Variants in SLC17A8 observed in about 807,000 individuals in gnomAD.
SLC17A8 encodes solute carrier family 17 member 8, also known as vesicular glutamate transporter 3.
In SLC17A8, 31 loss-of-function variants were observed where a neutral mutation model predicts 58.0. The ratio of observed to expected loss-of-function variants is 0.53; its 90% CI spans 0.40 to 0.72. SLC17A8 has a LOEUF of 0.72. Among genes scored for constraint, SLC17A8 ranks in the 30% least tolerant of loss-of-function variants. The pLI, the probability that SLC17A8 is intolerant of heterozygous loss-of-function variation, is 0.00. For synonymous variants in SLC17A8, 228 were observed against 249.0 expected (o/e 0.92, Z 0.79); for missense variants, 655 against 727.8 (o/e 0.90, Z 1.15).
At position 100,404,502 on chromosome 12, in the gene SLC17A8, G is replaced by GCACACACACACACACACA. The variant is rs4015906; in HGVS notation, c.1186+346_1186+363dup. ...GCCTATGCTTGTGCATGGGATATATGCACACACACACACACACACACACAC... is the reference window on the plus strand; with the variant it reads ...GCCTATGCTTGTGCATGGGATATATGCACACACACACACACACACACACACACACACACACACACACAC... On this transcript the variant is annotated intron_variant, in intron 9 of 11. Coordinates refer to ENST00000323346, the MANE Select transcript of SLC17A8 (RefSeq NM_139319.3). 488 of 232,986 alleles carry GCACACACACACACACACA rather than the reference G, an allele frequency of 2.1e-3. 8 individuals are homozygous for GCACACACACACACACACA. Among genetic ancestry groups the GCACACACACACACACACA allele is most frequent in the African/African-American group, 4.7e-3 (204 of 43,304 alleles). The allele number at this position is 232,986 out of a possible 1,614,324, so 14.4% of individuals were successfully genotyped here. A position where few individuals can be genotyped will look rare whatever the true frequency, so the allele number is the denominator to read the frequency against.
Position 100,420,266 on chromosome 12 carries a change from G to C in SLC17A8, c.*107G>C. On this transcript the variant is annotated 3_prime_UTR_variant, in exon 12 of 12. Transcript: ENST00000323346. ...GCCAGAGGTCCAAATATTGGGAGGG[G>C]AGAAGATCTAACCAGCAACAGGGAA... 2 of 840,184 alleles carry C rather than the reference G, an allele frequency of 2.4e-6. No homozygotes were observed. Among genetic ancestry groups the C allele is most frequent in the Non-Finnish European group, 3.9e-6 (2 of 515,830 alleles). 52.0% of individuals were successfully genotyped at this position (840,184 alleles called of 1,614,324 possible). A position where few individuals can be genotyped will look rare whatever the true frequency, so the allele number is the denominator to read the frequency against.
chr12:100,421,406 A>G lies in SLC17A8; in HGVS notation c.*1247A>G, dbSNP rs1040909215. ...ATAATATAGCAGTAGTTATACAGAGAAATACTACAATGAAAACATTTGGGG... is the reference window on the plus strand; with the variant it reads ...ATAATATAGCAGTAGTTATACAGAGGAATACTACAATGAAAACATTTGGGG... On this transcript the variant is annotated 3_prime_UTR_variant, in exon 12 of 12. Coordinates refer to ENST00000323346, the MANE Select transcript of SLC17A8 (RefSeq NM_139319.3). The G allele has an allele frequency of 3.9e-5, 6 of 152,162 alleles. No individual in the cohort carries two copies. Among genetic ancestry groups the G allele is most frequent in the Admixed American group, 3.9e-4 (6 of 15,260 alleles). 9.4% of individuals were successfully genotyped at this position (152,162 alleles called of 1,614,324 possible). A position where few individuals can be genotyped will look rare whatever the true frequency, so the allele number is the denominator to read the frequency against.
rs565559007 is a variant in SLC17A8 at position 100,375,073 on chromosome 12, A to G, written c.102-5628A>G. 4.0e-5 allele frequency among the ~76,000 whole-genome samples: 6 copies of G among 151,144 alleles called. 1 individual carries two copies. The Admixed American group carries it at 4.0e-4, about 10-fold the overall frequency. ...GGATGTCTAAGATGACACTGTGCAC[A>G]CAGAGGGTGCTTGTGTTGGTTCAGG... On this transcript the variant is annotated intron_variant, in intron 1 of 11. Transcript: ENST00000323346.
intron 1 of SLC17A8, among the ~76,000 whole-genome samples, chr12:100,369,181 C>A (rs970348540): frequency 2.6e-5 from 4 of 152,174 alleles, no homozygotes; most frequent in Admixed American, 2.0e-4. Context: ...GAGGCTGAGG[C>A]AGGAGAACTG....
intron 2 of SLC17A8, among the ~76,000 whole-genome samples, chr12:100,385,301 A>C (rs1393387024): frequency 2.2e-5 from 3 of 135,426 alleles, no homozygotes; most frequent in African/African-American, 5.7e-5. Context: ...CGGTGACATG[A>C]TCTCAGCTCA....
At chr12:100,375,292 G>A (rs1433982696) in intron 1 of SLC17A8, among the ~76,000 whole-genome samples, 1 of 151,972 alleles carries the variant, frequency 6.6e-6, no homozygotes, top group Non-Finnish European at 1.5e-5. Flanking sequence ...CTGGCCAAGA[G>A]ATTTATTGAG....
At position 100,394,588 on chromosome 12, in the gene SLC17A8, A is replaced by C. The variant is rs185993169; in HGVS notation, c.588+1105A>C. Among the ~76,000 whole-genome samples the C allele has an allele frequency of 6.6e-3, 986 of 150,470 alleles. 7 individuals are homozygous for C. The highest frequency in any genetic ancestry group is 0.011 in the Non-Finnish European group (734 of 67,692). The stretch of plus-strand genomic sequence containing the variant: ...GGCTAATTTTTTGTATTTTTAGTAG[A>C]GATGGGGTTTTACCATGTTGGCCAG... On this transcript the variant is annotated intron_variant, in intron 4 of 11. Transcript: ENST00000323346.
rs566408947 is a variant in SLC17A8, at chr12:100,371,694, C to T, written c.102-9007C>T. Among the ~76,000 whole-genome samples, 12 of 152,264 alleles carry T rather than the reference C, an allele frequency of 7.9e-5. 1 individual carries two copies. Among genetic ancestry groups the T allele is most frequent in the African/African-American group, 2.9e-4 (12 of 41,552 alleles). On this transcript the variant is annotated intron_variant, in intron 1 of 11. Transcript: ENST00000323346. ...TCCTGAGTAGCTGGGATTACAGGTGCTTGCCAGCACACCCGGCTAACTTTT... is the reference window on the plus strand; with the variant it reads ...TCCTGAGTAGCTGGGATTACAGGTGTTTGCCAGCACACCCGGCTAACTTTT...
rs774391972 is a variant in SLC17A8, at chr12:100,404,135, C to T, written c.1151C>T (p.Thr384Ile). The change falls in exon 9 of 12, where the codon ACC becomes ATC. Residue 384 changes from threonine (T) to isoleucine (I), a missense_variant. Transcript: ENST00000323346. The part of the protein sequence containing the change: ...ADYLRSRQIL[T>I]TTAVRKIMNC... ...TATTTAAGAAGCAGACAAATTTTAA[C>T]CACAACTGCTGTCAGAAAAATCATG... 88 of 1,614,062 alleles carry T rather than the reference C, an allele frequency of 5.5e-5. No homozygotes were observed. The highest frequency in any genetic ancestry group is 7.3e-5 in the Non-Finnish European group (86 of 1,180,046).
rs1952451566 is a variant in SLC17A8, at chr12:100,357,131, T to G, written c.-261T>G. On this transcript the variant is annotated 5_prime_UTR_variant, in exon 1 of 12. Coordinates refer to ENST00000323346, the MANE Select transcript of SLC17A8 (RefSeq NM_139319.3). The stretch of plus-strand genomic sequence containing the variant: ...CAGGCTGCTGCAGAGCGTGCAGCTT[T>G]TGCAAGGGACTGAATTCCCAGCCAG... The G allele has an allele frequency of 7.1e-6, 3 of 425,088 alleles. No homozygotes were observed. The highest frequency in any genetic ancestry group is 4.1e-5 in the African/African-American group (2 of 49,224). The allele number at this position is 425,088 out of a possible 1,614,324, so 26.3% of individuals were successfully genotyped here.
At chr12:100,419,249 T>C (rs1002854429) in intron 11 of SLC17A8, among the ~76,000 whole-genome samples, 1 of 152,186 alleles carries the variant, frequency 6.6e-6, no homozygotes, top group African/African-American at 2.4e-5. Flanking sequence ...TATTTGTATA[T>C]GTTGTTTATT....
At chr12:100,386,953 T>C (rs1288444967) in intron 2 of SLC17A8, among the ~76,000 whole-genome samples, 3 of 152,206 alleles carry the variant, frequency 2.0e-5, no homozygotes, top group East Asian at 3.8e-4. Flanking sequence ...GCTCCCAAAG[T>C]GCTGGGATTA....
intron 1 of SLC17A8, among the ~76,000 whole-genome samples, chr12:100,367,311 A>G: frequency 6.6e-6 from 1 of 152,224 alleles, no homozygotes; most frequent in East Asian, 1.9e-4. Flanking sequence ...AATAATAGAG[A>G]TCAAAACTTT....
At chr12:100,397,321 T>G (rs1253677149) in intron 5 of SLC17A8, among the ~76,000 whole-genome samples, 1 of 152,218 alleles carries the variant, frequency 6.6e-6, no homozygotes, top group African/African-American at 2.4e-5. Flanking sequence ...TCTGGAACTT[T>G]CCTTACTTCA....
intron 4 of SLC17A8, among the ~76,000 whole-genome samples, chr12:100,394,456 C>T (rs1196200819): frequency 1.5e-5 from 2 of 135,338 alleles, no homozygotes; most frequent in South Asian, 2.3e-4. Flanking sequence ...GGCTGAAGTG[C>T]GGTGGCATGA....
intron 2 of SLC17A8, among the ~76,000 whole-genome samples, chr12:100,384,270 C>G (rs75446078): frequency 1.3e-5 from 2 of 151,946 alleles, no homozygotes; most frequent in Non-Finnish European, 2.9e-5. Context: ...TTGCTGGTTG[C>G]GAAGAAATGT....
chr12:100,392,276 T>TA (rs1364972380), intron 3 of SLC17A8, among the ~76,000 whole-genome samples: 1 of 152,094 alleles, frequency 6.6e-6, no homozygotes, highest in African/African-American at 2.4e-5. Flanking sequence ...TGAGCATTTT[T>TA]AAAAAAGAGA....
intron 1 of SLC17A8, among the ~76,000 whole-genome samples, chr12:100,374,936 T>C (rs1166530647): frequency 3.3e-5 from 5 of 152,014 alleles, no homozygotes; most frequent in Non-Finnish European, 1.5e-5. Context: ...CTGTAGGTCC[T>C]GCTTCTTGTG....
intron 3 of SLC17A8, 56 bp downstream of exon 3, chr12:100,391,175 T>A (rs1406464055): frequency 8.1e-7 from 1 of 1,230,116 alleles, no homozygotes; most frequent in Non-Finnish European, 1.2e-6. Context: ...TTTGTACCTA[T>A]AAATTCTGCA....
Sources: allele counts gnomAD v4.1 joint callset (sites outside exome capture counted in the v4.1 genomes callset), GRCh38; gene constraint gnomAD v4.1.1; transcripts MANE v1.5; gene names NCBI Gene and HGNC (gene_info 2026-07-23, HGNC 2026-07-21).